The following TXNDC16 variants were observed in gnomAD, a reference collection of about 807,000 sequenced individuals.
TXNDC16 encodes thioredoxin domain-containing protein 16.
In TXNDC16, 74 loss-of-function variants were observed where a neutral mutation model predicts 85.6. That is an observed-to-expected ratio of 0.86 (90% CI 0.72 to 1.05). The LOEUF is 1.05. Among genes scored for constraint, TXNDC16 ranks in the 50% least tolerant of loss-of-function variants. TXNDC16 has a pLI of 0.00. For missense variants in TXNDC16, 959 were observed against 947.0 expected, an observed-to-expected ratio of 1.01 and a Z score of -0.17; for synonymous variants, 335 against 326.5, an observed-to-expected ratio of 1.03 and a Z score of -0.28.
intron 6 of TXNDC16, among the ~76,000 whole-genome samples, chr14:52,522,459 T>C (rs1237210566): frequency 6.6e-6 from 1 of 152,188 alleles, no homozygotes. Context: ...CTACAAGGCA[T>C]GACTATCTGA....
chr14:52,491,049 C>G (rs1267371454), intron 9 of TXNDC16, 44 bp from the exon 10 acceptor site: 2 of 1,536,968 alleles, frequency 1.3e-6, no homozygotes, highest in African/African-American at 1.4e-5. Flanking sequence ...TAACAATATT[C>G]CAACATTTGG....
At chr14:52,443,948 T>C (rs1218288041) in intron 18 of TXNDC16, among the ~76,000 whole-genome samples, 2 of 151,864 alleles carry the variant, frequency 1.3e-5, no homozygotes, top group African/African-American at 2.4e-5. Context: ...GTAGAAGTTA[T>C]GGGTATGGAT....
chr14:52,450,297 T>C (rs2035376960), intron 18 of TXNDC16, among the ~76,000 whole-genome samples: 1 of 152,022 alleles, frequency 6.6e-6, no homozygotes, highest in Non-Finnish European at 1.5e-5. Flanking sequence ...GTAGCTACTA[T>C]GAGCAACTAT....
intron 6 of TXNDC16, among the ~76,000 whole-genome samples, chr14:52,522,369 G>C (rs1005403222): frequency 4.6e-5 from 7 of 152,224 alleles, no homozygotes; most frequent in Non-Finnish European, 7.4e-5. Context: ...CTTTTGCTTT[G>C]TCCAGTTTTC....
At chr14:52,525,118 A>T (rs549912700) in intron 6 of TXNDC16, among the ~76,000 whole-genome samples, 143 of 151,986 alleles carry the variant, frequency 9.4e-4, no homozygotes, top group African/African-American at 2.9e-3. Context: ...GCGAAACTAA[A>T]AAAAAAGAAT....
intron 14 of TXNDC16, among the ~76,000 whole-genome samples, chr14:52,471,801 C>G (rs2035914023): frequency 6.6e-6 from 1 of 151,740 alleles, no homozygotes; most frequent in African/African-American, 2.4e-5. Flanking sequence ...AGTAGAATCT[C>G]AAGCAGAAAT....
rs2034914151 is a variant in TXNDC16 at position 52,432,192 on chromosome 14, T to A, written c.*112A>T. ...ATAAAATATGTGACTTATATTATAA[T>A]TCTATTGGATGGCACTAGTCTGCAA... On this transcript the variant is annotated 3_prime_UTR_variant, in exon 21 of 21. Coordinates refer to ENST00000281741, the MANE Select transcript of TXNDC16 (RefSeq NM_020784.3). 5 of 874,954 alleles carry A rather than the reference T, an allele frequency of 5.7e-6. No individual in the cohort carries two copies. The highest frequency in any genetic ancestry group is 8.1e-6 in the Non-Finnish European group (5 of 614,792). The allele number at this position is 874,954 out of a possible 1,614,324, so 54.2% of individuals were successfully genotyped here.
At chr14:52,494,950 C>G (rs755708955) in intron 9 of TXNDC16, among the ~76,000 whole-genome samples, 1 of 152,144 alleles carries the variant, frequency 6.6e-6, no homozygotes, top group Non-Finnish European at 1.5e-5. Context: ...AGGAGGGATA[C>G]ATCTAATTAA....
chr14:52,468,664 G>A (rs565168707), intron 16 of TXNDC16, among the ~76,000 whole-genome samples: 3 of 152,266 alleles, frequency 2.0e-5, no homozygotes, highest in Non-Finnish European at 4.4e-5. Context: ...AACTGCTTGA[G>A]CCCAGGAGTT....
At position 52,463,154 on chromosome 14, in the gene TXNDC16, C is replaced by T. The variant is rs186623739; in HGVS notation, c.1619-5980G>A. Among the ~76,000 whole-genome samples, 108 of 151,662 alleles carry T rather than the reference C, an allele frequency of 7.1e-4. 1 individual carries two copies. The highest frequency in any genetic ancestry group is 1.3e-3 in the Admixed American group (20 of 15,210). On this transcript the variant is annotated intron_variant, in intron 16 of 20. Coordinates refer to ENST00000281741, the MANE Select transcript of TXNDC16 (RefSeq NM_020784.3). Reference sequence around the variant, plus strand: ...TATCAGACCTAATTTGATCCTGGACCCAGTCCAGTTTCTGTAACAACTTCC... The same window carrying T: ...TATCAGACCTAATTTGATCCTGGACTCAGTCCAGTTTCTGTAACAACTTCC...
intron 6 of TXNDC16, among the ~76,000 whole-genome samples, chr14:52,526,448 G>A (rs78367277): frequency 0.013 from 2,028 of 152,182 alleles, 44 homozygotes; most frequent in African/African-American, 0.046. Flanking sequence ...ATGTGCCCCT[G>A]TAGAAGGAAA....
intron 17 of TXNDC16, among the ~76,000 whole-genome samples, chr14:52,455,714 A>G (rs903333098): frequency 1.3e-5 from 2 of 152,212 alleles, no homozygotes; most frequent in African/African-American, 4.8e-5. Flanking sequence ...ATTTTTTTCT[A>G]TACAACTTAC....
chr14:52,466,775 G>A (rs1012737014), intron 16 of TXNDC16, among the ~76,000 whole-genome samples: 2 of 152,010 alleles, frequency 1.3e-5, no homozygotes, highest in Non-Finnish European at 2.9e-5. Flanking sequence ...GCTGAGGCAG[G>A]AGAATGGCGT....
At position 52,440,594 on chromosome 14, in the gene TXNDC16, A is replaced by G; in HGVS notation, c.1973T>C (p.Leu658Ser). 2 of 1,606,966 alleles carry G rather than the reference A, an allele frequency of 1.2e-6. No homozygotes were observed. Among genetic ancestry groups the G allele is most frequent in the South Asian group, 2.2e-5 (2 of 89,212 alleles). ...TAACCAGCATGGAGTAAATGAATCC[A>G]AGTATTTCTGCTTTACCAGTGTCAA... ...AILTLVKQKY[L>S]DSFTPCWLNL... The change falls in exon 19 of 21, where the codon TTG (leucine) becomes TCG (serine). Residue 658 changes from leucine (L) to serine (S), a missense_variant. Transcript: ENST00000281741.
intron 16 of TXNDC16, among the ~76,000 whole-genome samples, chr14:52,459,859 T>C (rs1015232010): frequency 6.6e-6 from 1 of 152,124 alleles, no homozygotes; most frequent in Admixed American, 6.6e-5. Context: ...TTCAATAAAA[T>C]ACCCCTTCAT....
intron 14 of TXNDC16, among the ~76,000 whole-genome samples, chr14:52,472,115 C>T (rs1419064967): frequency 6.6e-6 from 1 of 151,072 alleles, no homozygotes; most frequent in African/African-American, 2.4e-5. Flanking sequence ...TTGATTACTT[C>T]TCATAGATGT....
chr14:52,537,815 T>C, intron 4 of TXNDC16, 143 bp from the exon 5 acceptor site: 1 of 584,130 alleles, frequency 1.7e-6, no homozygotes, highest in East Asian at 2.9e-5. Flanking sequence ...TTGTATGCTA[T>C]AATTGTTCAC....
intron 6 of TXNDC16, among the ~76,000 whole-genome samples, chr14:52,520,589 G>A (rs549997159): frequency 7.6e-4 from 116 of 152,140 alleles, no homozygotes; most frequent in Middle Eastern, 3.4e-3. Flanking sequence ...CAGCCTGGGC[G>A]ACAGAGCGAG....
intron 6 of TXNDC16, among the ~76,000 whole-genome samples, chr14:52,526,287 G>A (rs1482772748): frequency 6.6e-6 from 1 of 152,116 alleles, no homozygotes; most frequent in East Asian, 1.9e-4. Context: ...TACTTTTACA[G>A]GGTTCAAAAC....
Sources: gnomAD v4.1 joint callset for allele counts (sites outside exome capture counted in the v4.1 genomes callset) on GRCh38, gnomAD v4.1.1 for gene constraint, MANE v1.5 for transcripts, NCBI Gene and HGNC (gene_info 2026-07-23, HGNC 2026-07-21) for gene names.